The following NSL1 variants were observed in gnomAD, a reference collection of about 807,000 sequenced individuals.
The protein encoded by NSL1 is NSL1 component of MIS12 kinetochore complex, also known as kinetochore-associated protein NSL1 homolog.
A neutral mutation model predicts 25.4 loss-of-function variants in NSL1; 11 were observed. The observed-to-expected ratio is 0.43, with a 90% CI of 0.27 to 0.72. The LOEUF is 0.72. NSL1 is among the 30% of genes least tolerant of loss of function. The pLI is 0.19. For missense variants in NSL1, 330 were observed against 342.7 expected, an observed-to-expected ratio of 0.96 and a Z score of 0.29; for synonymous variants, 118 against 120.6, an observed-to-expected ratio of 0.98 and a Z score of 0.14.
intron 4 of NSL1, among the ~76,000 whole-genome samples, chr1:212,779,246 G>GC (rs1178252248): frequency 1.4e-5 from 2 of 146,888 alleles, no homozygotes; most frequent in African/African-American, 2.5e-5. Context: ...GGTGGGGTCA[G>GC]CCCCCCTCCC....
rs1213943500 is a variant in NSL1 at position 212,736,073 on chromosome 1, TGTCACCCAGGCTGGAGTACAGTG to T, written c.*2312_*2334del. ...ATTATTTTGAAACAGGGTCTCACTC[TGTCACCCAGGCTGGAGTACAGTG>T]GTGCCATCCTGGCTCACTGCAACTT... On this transcript the variant is annotated 3_prime_UTR_variant, in exon 6 of 6. Transcript: ENST00000366977. 1 of 982,336 alleles carries T rather than the reference TGTCACCCAGGCTGGAGTACAGTG, an allele frequency of 1.0e-6. No individual in the cohort carries two copies. Among genetic ancestry groups the T allele is most frequent in the African/African-American group, 1.7e-5 (1 of 57,182 alleles). 60.9% of individuals were successfully genotyped at this position (982,336 alleles called of 1,614,324 possible).
At chr1:212,745,853 T>C (rs1658766552) in intron 4 of NSL1, among the ~76,000 whole-genome samples, 1 of 152,090 alleles carries the variant, frequency 6.6e-6, no homozygotes, top group Non-Finnish European at 1.5e-5. Flanking sequence ...TAGTCCCAGC[T>C]ACTCAGGAGA....
intron 3 of NSL1, 164 bp downstream of exon 3, chr1:212,784,199 A>G (rs557302098): frequency 2.2e-6 from 1 of 449,276 alleles, no homozygotes; most frequent in African/African-American, 2.0e-5. Context: ...ACTATGTCAT[A>G]GTACAACTTA....
intron 4 of NSL1, 67 bp from the exon 5 acceptor site, chr1:212,739,668 A>T: frequency 6.7e-7 from 1 of 1,493,472 alleles, no homozygotes; most frequent in South Asian, 1.2e-5. Flanking sequence ...AGGCATATAG[A>T]TACTATCTGA....
In NSL1 at chr1:212,736,347, T is replaced by G. The variant is rs1658231910; in HGVS notation, c.*2061A>C. ...GCTATTTCTTTTCTGAAAGATAATT[T>G]TAAGACCCTATTCAATCCAGACTCT... is the stretch of plus-strand genomic sequence containing the variant. On this transcript the variant is annotated 3_prime_UTR_variant, in exon 6 of 6. Transcript: ENST00000366977. 1.0e-6 allele frequency: 1 copy of G among 985,216 alleles called. No individual in the cohort carries two copies. The highest frequency in any genetic ancestry group is 4.7e-5 in the South Asian group (1 of 21,294). The allele number at this position is 985,216 out of a possible 1,614,324, so 61.0% of individuals were successfully genotyped here.
intron 4 of NSL1, among the ~76,000 whole-genome samples, chr1:212,779,175 C>A (rs1251197173): frequency 2.0e-5 from 3 of 151,552 alleles, no homozygotes; most frequent in African/African-American, 7.3e-5. Flanking sequence ...GCAACCACAC[C>A]GTCTGGGAAG....
At position 212,728,142 on chromosome 1, in the gene NSL1, G is replaced by T; in HGVS notation, c.*10266C>A. 1 of 957,322 alleles carries T rather than the reference G, an allele frequency of 1.0e-6. No homozygotes were observed. The highest frequency in any genetic ancestry group is 1.2e-6 in the Non-Finnish European group (1 of 804,410). 59.3% of individuals were successfully genotyped at this position (957,322 alleles called of 1,614,324 possible). On this transcript the variant is annotated 3_prime_UTR_variant, in exon 6 of 6. Coordinates refer to ENST00000366977, the MANE Select transcript of NSL1 (RefSeq NM_015471.4). The stretch of plus-strand genomic sequence containing the variant: ...TAGCCCTTAATTCATGGATTGTCTT[G>T]AGGATTAAAAGAGATGGTGCATGTG...
Position 212,791,724 on chromosome 1 carries a change from A to G in NSL1, c.40T>C (p.Trp14Arg). Residue 14 changes from tryptophan (W) to arginine (R), a missense_variant, in exon 1 of 6, where the codon TGG becomes CGG. Coordinates refer to ENST00000366977, the MANE Select transcript of NSL1 (RefSeq NM_015471.4). ...GTGCCAGCCGCGAGCTCCTTGTCCC[A>G]TGGAGGGTCAAGGACCACCAACTCA... The part of the protein sequence containing the change: ...SPELVVLDPP[W>R]DKELAAGTES... The G allele has an allele frequency of 5.6e-6, 9 of 1,613,612 alleles. No individual in the cohort carries two copies. Among genetic ancestry groups the G allele is most frequent in the Non-Finnish European group, 7.6e-6 (9 of 1,179,794 alleles).
Position 212,726,986 on chromosome 1 carries a change from G to T in NSL1, c.*11422C>A. ...CACAGGGAGAGTGTGCTTCCTGGCT[G>T]TGTCCTCTCAGAGGCCCTCCAGTCC... On this transcript the variant is annotated 3_prime_UTR_variant, in exon 6 of 6. Coordinates refer to ENST00000366977, the MANE Select transcript of NSL1 (RefSeq NM_015471.4). 1 of 803,368 alleles carries T rather than the reference G, an allele frequency of 1.2e-6. No individual in the cohort carries two copies. The highest frequency in any genetic ancestry group is 1.9e-6 in the Non-Finnish European group (1 of 528,022). 49.8% of individuals were successfully genotyped at this position (803,368 alleles called of 1,614,324 possible).
chr1:212,790,994 T>C (rs534883657), intron 1 of NSL1, among the ~76,000 whole-genome samples: 4 of 151,936 alleles, frequency 2.6e-5, no homozygotes, highest in Non-Finnish European at 5.9e-5. Context: ...GCTGCTTGGG[T>C]GAATGGCTGA....
intron 4 of NSL1, 53 bp from the exon 5 acceptor site, chr1:212,739,654 T>A: frequency 6.4e-7 from 1 of 1,555,628 alleles, no homozygotes; most frequent in Non-Finnish European, 8.8e-7. Flanking sequence ...TAGCAAATCA[T>A]AAAAGGCATA....
intron 2 of NSL1, among the ~76,000 whole-genome samples, chr1:212,785,272 T>C (rs1370358432): frequency 2.0e-5 from 3 of 152,194 alleles, no homozygotes; most frequent in African/African-American, 7.2e-5. Context: ...CTTTATCATA[T>C]GCTTTTTCAT....
In NSL1 at chr1:212,737,358, A is replaced by AT. The variant is rs1234098199; in HGVS notation, c.*1049dup. On this transcript the variant is annotated 3_prime_UTR_variant, in exon 6 of 6. Coordinates refer to ENST00000366977, the MANE Select transcript of NSL1 (RefSeq NM_015471.4). ...TACATAATAAGCAAGAGAAATACAG[A>AT]TTTTCCAACCTCATGATCAGTAAAT... The AT allele has an allele frequency of 2.0e-6, 2 of 984,722 alleles. No homozygotes were observed. Among genetic ancestry groups the AT allele is most frequent in the Admixed American group, 6.1e-5 (1 of 16,270 alleles). The allele number at this position is 984,722 out of a possible 1,614,324, so 61.0% of individuals were successfully genotyped here. A position where few individuals can be genotyped will look rare whatever the true frequency, so the allele number is the denominator to read the frequency against.
At chr1:212,765,575 C>G (rs1243546391) in intron 4 of NSL1, among the ~76,000 whole-genome samples, 2 of 152,156 alleles carry the variant, frequency 1.3e-5, no homozygotes, top group Non-Finnish European at 2.9e-5. Context: ...AATCCCAGCA[C>G]TTTGGGAGGC....
At chr1:212,744,121 A>C (rs1327442062) in intron 4 of NSL1, among the ~76,000 whole-genome samples, 1 of 152,184 alleles carries the variant, frequency 6.6e-6, no homozygotes, top group Non-Finnish European at 1.5e-5. Flanking sequence ...CTTGCTGAAA[A>C]GCTCCAAACA....
rs750186112 is a variant in NSL1, at chr1:212,738,386, T to C, written c.*22A>G. The stretch of plus-strand genomic sequence containing the variant: ...AATGTTGATGGTGCCTATTTTCAAC[T>C]CCCAAAATAAACAGAAAGAGCTCAT... On this transcript the variant is annotated 3_prime_UTR_variant, in exon 6 of 6. Transcript: ENST00000366977. 1 of 1,587,288 alleles carries C rather than the reference T, an allele frequency of 6.3e-7. No individual in the cohort carries two copies.
Position 212,774,976 on chromosome 1 carries a change from G to GT in NSL1, c.499+7395dup, listed in dbSNP as rs542445985. Among the ~76,000 whole-genome samples the GT allele has an allele frequency of 4.2e-4, 64 of 151,820 alleles. 4 individuals are homozygous for GT. In the South Asian group the frequency reaches 0.013, roughly 30 times the overall value. On this transcript the variant is annotated intron_variant, in intron 4 of 5. Transcript: ENST00000366977. ...GTGTTAACAAGTGACAAGAAGAAAA[G>GT]TTTTTTTAAAAAGTCTGTATACTCA...
intron 4 of NSL1, among the ~76,000 whole-genome samples, chr1:212,751,711 ATT>A (rs5780699): frequency 6.6e-6 from 1 of 151,798 alleles, no homozygotes; most frequent in Non-Finnish European, 1.5e-5. Flanking sequence ...TAATAAAACC[ATT>A]TTTTTTAAAG....
rs780991021 is a variant in NSL1 at position 212,787,655 on chromosome 1, T to C, written c.235-18A>G. On this transcript the variant is annotated intron_variant, in intron 1 of 5. Coordinates refer to ENST00000366977, the MANE Select transcript of NSL1 (RefSeq NM_015471.4). Reference sequence around the variant, plus strand: ...TCAAAAGTCTGCAATAAATTCACAGTAGTCAAGTCACTAAAAATAATTTTA... The same window carrying C: ...TCAAAAGTCTGCAATAAATTCACAGCAGTCAAGTCACTAAAAATAATTTTA... The C allele has an allele frequency of 3.3e-6, 5 of 1,527,450 alleles. No homozygotes were observed. In the East Asian group the frequency reaches 9.2e-5, roughly 28 times the overall value. 94.6% of individuals were successfully genotyped at this position (1,527,450 alleles called of 1,614,324 possible). A position where few individuals can be genotyped will look rare whatever the true frequency, so the allele number is the denominator to read the frequency against.
Sources: allele counts gnomAD v4.1 joint callset (sites outside exome capture counted in the v4.1 genomes callset), GRCh38; gene constraint gnomAD v4.1.1; transcripts MANE v1.5; gene names NCBI Gene and HGNC (gene_info 2026-07-23, HGNC 2026-07-21).